LARGE1: variants seen among roughly 807,000 people sequenced by gnomAD.
LARGE1 encodes xylosyl- and glucuronyltransferase LARGE1.
Under a neutral mutation model 87.6 loss-of-function variants are expected in LARGE1, and 43 were observed. The ratio of observed to expected loss-of-function variants is 0.49; its 90% CI spans 0.38 to 0.63. The LOEUF is 0.63. LARGE1 is among the 30% of genes least tolerant of loss of function. LARGE1 has a pLI of 0.00. For synonymous variants in LARGE1, 434 were observed against 394.6 expected, an observed-to-expected ratio of 1.10 and a Z score of -1.18; for missense variants, 802 against 1,000.2, an observed-to-expected ratio of 0.80 and a Z score of 2.67.
At chr22:33,406,136 G>A (rs1398425295) in intron 7 of LARGE1, among the ~76,000 whole-genome samples, 2 of 152,072 alleles carry the variant, frequency 1.3e-5, no homozygotes, top group African/African-American at 4.8e-5. Context: ...TTCTCATTAG[G>A]TCTCCAGACC....
chr22:33,606,506 C>T (rs920311705), intron 4 of LARGE1, among the ~76,000 whole-genome samples: 3 of 152,010 alleles, frequency 2.0e-5, no homozygotes, highest in African/African-American at 7.3e-5. Flanking sequence ...GGCCTTTTAG[C>T]TCTCGGCCGT....
At chr22:33,753,961 C>A (rs1031225116) in intron 2 of LARGE1, among the ~76,000 whole-genome samples, 2 of 152,002 alleles carry the variant, frequency 1.3e-5, no homozygotes, top group African/African-American at 4.8e-5. Flanking sequence ...ACTCAGGAGG[C>A]TGAGACAGGA....
At chr22:33,117,872 C>T in the LARGE1 span, among the ~76,000 whole-genome samples, 2 of 152,182 alleles carry the variant, frequency 1.3e-5, no homozygotes, top group Non-Finnish European at 2.9e-5. Flanking sequence ...GGCACTACTG[C>T]TAAGTGCAAT....
chr22:33,361,590 G>A (rs1393585077), intron 9 of LARGE1, among the ~76,000 whole-genome samples: 1 of 149,498 alleles, frequency 6.7e-6, no homozygotes, highest in East Asian at 1.9e-4. Context: ...CTGAGGGGTA[G>A]TGTGAGGGCA....
intron 14 of LARGE1, among the ~76,000 whole-genome samples, chr22:33,275,157 A>C (rs1227711323): frequency 6.6e-6 from 1 of 152,196 alleles, no homozygotes; most frequent in Non-Finnish European, 1.5e-5. Flanking sequence ...TGCTGGACCT[A>C]AGCTCACCAA....
At chr22:33,291,816 G>C (rs1031251927) in intron 12 of LARGE1, among the ~76,000 whole-genome samples, 7 of 152,032 alleles carry the variant, frequency 4.6e-5, no homozygotes, top group Non-Finnish European at 7.4e-5. Context: ...CTTGGGGCCG[G>C]GCGTGGTGGC....
chr22:33,608,738 C>A (rs9609847), intron 4 of LARGE1, among the ~76,000 whole-genome samples: 4 of 152,138 alleles, frequency 2.6e-5, no homozygotes, highest in Admixed American at 2.6e-4. Context: ...ATCAAGAGTT[C>A]GGAGTTTGGA....
intron 6 of LARGE1, among the ~76,000 whole-genome samples, chr22:33,497,341 G>T (rs1209024218): frequency 6.6e-6 from 1 of 152,140 alleles, no homozygotes; most frequent in African/African-American, 2.4e-5. Context: ...CTCCCAAAGT[G>T]CTGGGATTAC....
chr22:33,499,393 A>G (rs1303220279), intron 6 of LARGE1, among the ~76,000 whole-genome samples: 1 of 152,228 alleles, frequency 6.6e-6, no homozygotes, highest in African/African-American at 2.4e-5. Flanking sequence ...TTATTTAGTT[A>G]TAACGATTGG....
chr22:33,430,144 C>T (rs1394808395), intron 7 of LARGE1, among the ~76,000 whole-genome samples: 1 of 152,204 alleles, frequency 6.6e-6, no homozygotes, highest in Admixed American at 6.5e-5. Context: ...GTTAACACCA[C>T]AGGCTCCTTG....
At chr22:33,088,405 C>A in the LARGE1 span, among the ~76,000 whole-genome samples, 3 of 152,150 alleles carry the variant, frequency 2.0e-5, no homozygotes, top group African/African-American at 4.8e-5. Flanking sequence ...CACATATTTG[C>A]TGTGAGGATC....
At chr22:33,849,361 T>C (rs929243148) in intron 1 of LARGE1, among the ~76,000 whole-genome samples, 18 of 152,048 alleles carry the variant, frequency 1.2e-4, no homozygotes, top group Non-Finnish European at 2.5e-4. Flanking sequence ...CACCCCATCA[T>C]CTTCACCATA....
chr22:33,482,853 G>A (rs1001783968), intron 6 of LARGE1, among the ~76,000 whole-genome samples: 1 of 152,142 alleles, frequency 6.6e-6, no homozygotes, highest in Non-Finnish European at 1.5e-5. Context: ...TGGAAAGCTG[G>A]CTCCATAGTT....
chr22:33,612,197 G>A (rs939284261), intron 4 of LARGE1, among the ~76,000 whole-genome samples: 8 of 139,316 alleles, frequency 5.7e-5, no homozygotes, highest in East Asian at 2.5e-4. Flanking sequence ...TCCACCTCCC[G>A]GGTTCAAGCT....
chr22:33,689,167 C>CTCTCTCT (rs1555998591), intron 2 of LARGE1, among the ~76,000 whole-genome samples: 7 of 129,284 alleles, frequency 5.4e-5, no homozygotes, highest in African/African-American at 1.6e-4. Context: ...CTCTCTCTCT[C>CTCTCTCT]CCCCCTCCTG....
chr22:33,092,517 C>T, the LARGE1 span, among the ~76,000 whole-genome samples: 1 of 152,048 alleles, frequency 6.6e-6, no homozygotes, highest in Non-Finnish European at 1.5e-5. Flanking sequence ...GTTTGTTACA[C>T]AGGTAAACAG....
intron 1 of LARGE1, among the ~76,000 whole-genome samples, chr22:33,821,794 T>A (rs73171913): frequency 0.021 from 3,179 of 152,186 alleles, 57 homozygotes; most frequent in Middle Eastern, 0.048. Context: ...TTATTGGAAA[T>A]CTTCAACAAT....
the LARGE1 span, among the ~76,000 whole-genome samples, chr22:33,111,674 T>C: frequency 6.6e-6 from 1 of 152,204 alleles, no homozygotes; most frequent in Admixed American, 6.5e-5. Flanking sequence ...CAGAGAGACA[T>C]ATGCATTTGC....
chr22:33,396,169 G>C (rs2065731985), intron 7 of LARGE1, among the ~76,000 whole-genome samples: 1 of 152,234 alleles, frequency 6.6e-6, no homozygotes, highest in Admixed American at 6.5e-5. Flanking sequence ...CTCAGCAGGA[G>C]GCTCTGGGGA....
Sources: gnomAD v4.1 joint callset for allele counts (sites outside exome capture counted in the v4.1 genomes callset) on GRCh38, gnomAD v4.1.1 for gene constraint, MANE v1.5 for transcripts, NCBI Gene and HGNC (gene_info 2026-07-23, HGNC 2026-07-21) for gene names.